Variants in PCDHA6 observed in about 807,000 individuals in gnomAD.
PCDHA6 encodes the protein protocadherin alpha-6.
Under a neutral mutation model 60.3 loss-of-function variants are expected in PCDHA6, and 55 were observed. The ratio of observed to expected loss-of-function variants is 0.91; its 90% CI spans 0.73 to 1.14. The LOEUF (loss-of-function observed/expected upper bound fraction) is 1.14. Ranked by LOEUF, PCDHA6 falls within the 50% of genes most tolerant of loss-of-function variation. PCDHA6 has a pLI of 0.00. For synonymous variants in PCDHA6, 652 were observed against 557.9 expected (o/e 1.17, Z -2.38); for missense variants, 1,327 against 1,256.5 (o/e 1.06, Z -0.85).
rs2098421681 is a variant in PCDHA6, at chr5:141,011,735, A to C, written c.*1798A>C. 1 of 153,882 alleles carries C rather than the reference A, an allele frequency of 6.5e-6. No individual in the cohort carries two copies. Among genetic ancestry groups the C allele is most frequent in the South Asian group, 2.1e-4 (1 of 4,828 alleles). 9.5% of individuals were successfully genotyped at this position (153,882 alleles called of 1,614,324 possible). A position where few individuals can be genotyped will look rare whatever the true frequency, so the allele number is the denominator to read the frequency against. ...TATTCCATGAGGGTGTGCAAGCACA[A>C]ATTTTACCAATCTGACCTCTTTGAA... On this transcript the variant is annotated 3_prime_UTR_variant, in exon 4 of 4. Transcript: ENST00000529310.
chr5:140,872,265 T>G (rs2053570965), intron 1 of PCDHA6, among the ~76,000 whole-genome samples: 1 of 152,164 alleles, frequency 6.6e-6, no homozygotes, highest in South Asian at 2.1e-4. Context: ...TGTTTTCATA[T>G]TGTTTGAAGA....
At chr5:140,925,966 A>G (rs782294082) in intron 1 of PCDHA6, among the ~76,000 whole-genome samples, 2 of 149,366 alleles carry the variant, frequency 1.3e-5, no homozygotes, top group Non-Finnish European at 3.0e-5. Flanking sequence ...CTATCACGCA[A>G]AAAAAAAGCC....
At chr5:140,838,792 C>T (rs185646460) in intron 1 of PCDHA6, among the ~76,000 whole-genome samples, 1,842 of 152,048 alleles carry the variant, frequency 0.012, 29 homozygotes, top group Non-Finnish European at 0.019. Flanking sequence ...CATGGTGATG[C>T]ATGTCTGTAG....
intron 1 of PCDHA6, among the ~76,000 whole-genome samples, chr5:140,934,368 C>A (rs2089796426): frequency 6.6e-6 from 1 of 152,102 alleles, no homozygotes; most frequent in African/African-American, 2.4e-5. Context: ...TGCTTTGACT[C>A]CTTCTGTGGT....
intron 1 of PCDHA6, chr5:140,857,948 C>T (rs1160932490): frequency 2.5e-6 from 4 of 1,597,436 alleles, no homozygotes; most frequent in African/African-American, 1.3e-5. Flanking sequence ...CAGTACGACG[C>T]GCGCTCTGGA....
chr5:140,929,153 A>G (rs1554206749), intron 1 of PCDHA6: 1 of 1,614,164 alleles, frequency 6.2e-7, no homozygotes, highest in East Asian at 2.2e-5. Context: ...TCTCAGACTT[A>G]TCTCTATCGG....
At chr5:141,006,119 T>C (rs1327328997) in intron 3 of PCDHA6, among the ~76,000 whole-genome samples, 14 of 152,070 alleles carry the variant, frequency 9.2e-5, no homozygotes, top group South Asian at 4.2e-4. Context: ...TTTTTTTTTT[T>C]CTCAAGGCAG....
chr5:140,992,097 A>G (rs1466699064), intron 3 of PCDHA6, among the ~76,000 whole-genome samples: 7 of 151,212 alleles, frequency 4.6e-5, no homozygotes, highest in Non-Finnish European at 1.0e-4. Flanking sequence ...GAGAAAGAGA[A>G]TTAAGGTGAG....
rs1032326497 is a variant in PCDHA6, at chr5:140,858,875, C to A, written c.2394+28390C>A. ...TATCTCTTCAGTGAAAATGTGTTTT[C>A]CTCCATGTGTAGAATATGTGTAGCG... On this transcript the variant is annotated intron_variant, in intron 1 of 3. Transcript: ENST00000529310. 1.2e-5 allele frequency: 3 copies of A among 246,542 alleles called. No homozygotes were observed. The East Asian group carries it at 3.3e-4, about 27-fold the overall frequency. 15.3% of individuals were successfully genotyped at this position (246,542 alleles called of 1,614,324 possible).
intron 1 of PCDHA6, chr5:140,861,278 C>T (rs572060208): frequency 5.3e-4 from 99 of 185,718 alleles, no homozygotes; most frequent in African/African-American, 2.3e-3. Flanking sequence ...GCACTGGCTT[C>T]TGCTCCTTGA....
intron 1 of PCDHA6, among the ~76,000 whole-genome samples, chr5:140,845,274 T>C (rs1779779803): frequency 6.7e-6 from 1 of 149,592 alleles, no homozygotes; most frequent in South Asian, 2.1e-4. Flanking sequence ...TTTGTGAAAG[T>C]AATATTTCCT....
Position 140,858,656 on chromosome 5 carries a change from T to A in PCDHA6, c.2394+28171T>A, listed in dbSNP as rs1562540116. 9 of 783,778 alleles carry A rather than the reference T, an allele frequency of 1.1e-5. 2 individuals are homozygous for A. The highest frequency in any genetic ancestry group is 1.6e-5 in the Non-Finnish European group (8 of 509,472). 48.6% of individuals were successfully genotyped at this position (783,778 alleles called of 1,614,324 possible). A position where few individuals can be genotyped will look rare whatever the true frequency, so the allele number is the denominator to read the frequency against. On this transcript the variant is annotated intron_variant, in intron 1 of 3. Transcript: ENST00000529310. ...CCTTTGATTGGTACTTAAATTTTTTTAAATAACAATTTATTCTGAATACAC... is the reference window on the plus strand; with the variant it reads ...CCTTTGATTGGTACTTAAATTTTTTAAAATAACAATTTATTCTGAATACAC...
intron 1 of PCDHA6, chr5:140,860,111 A>T (rs1337460322): frequency 6.6e-6 from 1 of 151,186 alleles, no homozygotes; most frequent in African/African-American, 2.4e-5. Context: ...CGACATAGGG[A>T]TATCTTGTAC....
At chr5:140,928,137 C>T (rs537220203) in intron 1 of PCDHA6, 14 of 1,614,066 alleles carry the variant, frequency 8.7e-6, no homozygotes, top group Admixed American at 1.7e-5. Flanking sequence ...AAGTCCTGAT[C>T]ACGGCCTCAG....
At chr5:140,913,317 TTGTA>T (rs1269286947) in intron 1 of PCDHA6, among the ~76,000 whole-genome samples, 2 of 152,152 alleles carry the variant, frequency 1.3e-5, no homozygotes, top group African/African-American at 4.8e-5. Flanking sequence ...CCTTGGTAAG[TTGTA>T]TGTGTCTAGG....
chr5:140,884,241 C>A (rs782355331), intron 1 of PCDHA6: 5 of 1,613,408 alleles, frequency 3.1e-6, no homozygotes, highest in Non-Finnish European at 4.2e-6. Flanking sequence ...GGTGAGCCCG[C>A]GCTGACGGCC....
chr5:141,005,701 CAAAAAAAAAAAA>C (rs59860837), intron 3 of PCDHA6, among the ~76,000 whole-genome samples: 139 of 7,794 alleles, frequency 0.018, no homozygotes, highest in African/African-American at 0.055. Context: ...AACTCCGTCT[CAAAAAAAAAAAA>C]AAAAAAAAAA....
chr5:140,942,443 A>G (rs1204508547), intron 1 of PCDHA6, among the ~76,000 whole-genome samples: 2 of 152,100 alleles, frequency 1.3e-5, no homozygotes, highest in African/African-American at 4.8e-5. Flanking sequence ...ATAAACAAGT[A>G]AACTATCAAT....
At chr5:140,862,874 T>C in intron 1 of PCDHA6, 2 of 568,426 alleles carry the variant, frequency 3.5e-6, no homozygotes, top group Non-Finnish European at 3.4e-6. Flanking sequence ...CTGCCAGGTA[T>C]TAGTGCTGGA....
Sources: allele counts gnomAD v4.1 joint callset (sites outside exome capture counted in the v4.1 genomes callset), GRCh38; gene constraint gnomAD v4.1.1; transcripts MANE v1.5; gene names NCBI Gene and HGNC (gene_info 2026-07-23, HGNC 2026-07-21).